ZNF263: variants seen among roughly 807,000 people sequenced by gnomAD.
The protein encoded by ZNF263 is zinc finger protein 263.
In ZNF263, 49 loss-of-function variants were observed where a neutral mutation model predicts 63.1. The ratio of observed to expected loss-of-function variants is 0.78; its 90% CI spans 0.62 to 0.99. ZNF263 has a LOEUF of 0.99. ZNF263 is among the 50% of genes least tolerant of loss of function. The probability of loss-of-function intolerance (pLI) is 0.00; values close to 1 mark genes in which losing one functional copy is unlikely to be tolerated. For synonymous variants in ZNF263, 352 were observed against 324.2 expected, an observed-to-expected ratio of 1.09 and a Z score of -0.92; for missense variants, 872 against 854.8, an observed-to-expected ratio of 1.02 and a Z score of -0.25.
rs952484339 is a variant in ZNF263, at chr16:3,289,634, A to G, written c.1128A>G (p.Lys376=). Residue 376 remains lysine, a synonymous_variant, in exon 6 of 6, where the codon AAA becomes AAG. Coordinates refer to ENST00000219069, the MANE Select transcript of ZNF263 (RefSeq NM_005741.5). ...GACCGAAGGAACTGCAGCCAAAGAA[A>G]CTCCATTTATGTCCCTTGTGTGGCA... ...LGRPKELQPK[K]LHLCPLCGKN... 1.2e-6 allele frequency: 2 copies of G among 1,614,092 alleles called. No individual in the cohort carries two copies. The highest frequency in any genetic ancestry group is 1.7e-6 in the Non-Finnish European group (2 of 1,180,022).
At chr16:3,294,761 CAG>C (rs1204735269), downstream of ZNF263, among the ~76,000 whole-genome samples, 2 of 152,188 alleles carry the variant, frequency 1.3e-5, no homozygotes, top group Admixed American at 1.3e-4. Flanking sequence ...AATTAGCTTA[CAG>C]AGACACCTTA....
chr16:3,289,296 C>G (rs560878336), intron 5 of ZNF263, 97 bp from the exon 6 acceptor site: 22 of 1,327,298 alleles, frequency 1.7e-5, no homozygotes, highest in South Asian at 5.1e-5. Flanking sequence ...AGCAGCCCTT[C>G]TGGGCTGCTG....
Position 3,290,201 on chromosome 16 carries a change from T to G in ZNF263, c.1695T>G (p.His565Gln). The G allele has an allele frequency of 6.2e-7, 1 of 1,614,144 alleles. No individual in the cohort carries two copies. Residue 565 changes from histidine to glutamine, a missense_variant, in exon 6 of 6, where the codon CAT becomes CAG. His to Gln is a conservative substitution (Grantham distance 24, BLOSUM62 0). Coordinates refer to ENST00000219069, the MANE Select transcript of ZNF263 (RefSeq NM_005741.5). ...ACAGCACCCCCTTTCTTACAAACCATGGAGCCCATAAGGCAGAGAAGAAGC... is the reference window on the plus strand; with the variant it reads ...ACAGCACCCCCTTTCTTACAAACCAGGGAGCCCATAAGGCAGAGAAGAAGC... ...VSDSTPFLTN[H>Q]GAHKAEKKLF...
At chr16:3,300,263 C>A in intron 2 of ZNF263, 3 of 1,614,222 alleles carry the variant, frequency 1.9e-6, no homozygotes, top group Non-Finnish European at 2.5e-6. Flanking sequence ...GCTTTGAAAT[C>A]TGTTCGCCCA....
intron 1 of ZNF263, among the ~76,000 whole-genome samples, chr16:3,297,716 G>T (rs1233183979): frequency 6.6e-6 from 1 of 151,266 alleles, no homozygotes; most frequent in Non-Finnish European, 1.5e-5. Flanking sequence ...TGCCCTCCTC[G>T]GCCTCCCAAA....
At chr16:3,295,619 G>C (rs1039688145), downstream of ZNF263, among the ~76,000 whole-genome samples, 1 of 152,368 alleles carries the variant, frequency 6.6e-6, no homozygotes, top group African/African-American at 2.4e-5. Flanking sequence ...TAGGGGCTAG[G>C]CCTTTCTTTA....
chr16:3,285,640 G>A, intron 2 of ZNF263, 41 bp from the exon 3 acceptor site: 2 of 1,599,818 alleles, frequency 1.3e-6, no homozygotes, highest in Non-Finnish European at 1.7e-6. Flanking sequence ...GTTGCCAAGA[G>A]TTAGGAATGC....
intron 2 of ZNF263, chr16:3,299,447 C>T: frequency 6.4e-7 from 1 of 1,559,012 alleles, no homozygotes; most frequent in Non-Finnish European, 8.7e-7. Context: ...ATTTGTTTTA[C>T]TTCTTCCCAA....
In ZNF263 at chr16:3,290,816, G is replaced by A. The variant is rs1959587002; in HGVS notation, c.*258G>A. ...TCTGTTAAGTCCACCCTGCCCCAGG[G>A]TGCTCCTACCCTCTTGGTCTTTTTA... On this transcript the variant is annotated 3_prime_UTR_variant, in exon 6 of 6. Transcript: ENST00000219069. 7.9e-7 allele frequency: 1 copy of A among 1,258,656 alleles called. No homozygotes were observed. The highest frequency in any genetic ancestry group is 1.5e-5 in the African/African-American group (1 of 66,156). The allele number at this position is 1,258,656 out of a possible 1,614,324, so 78.0% of individuals were successfully genotyped here. A position where few individuals can be genotyped will look rare whatever the true frequency, so the allele number is the denominator to read the frequency against.
rs552191851 is a variant in ZNF263, at chr16:3,285,057, A to G, written c.388-2A>G. 1 of 1,614,006 alleles carries G rather than the reference A, an allele frequency of 6.2e-7. No individual in the cohort carries two copies. Among genetic ancestry groups the G allele is most frequent in the Admixed American group, 1.7e-5 (1 of 60,016 alleles). Reference sequence around the variant, plus strand: ...TGATGAGTGATGTGGGTTGGTTCCCAGGTCACAAACCATGGGCGGGGAACA... The same window carrying G: ...TGATGAGTGATGTGGGTTGGTTCCCGGGTCACAAACCATGGGCGGGGAACA... On this transcript the variant is annotated splice_acceptor_variant, in intron 1 of 5. Coordinates refer to ENST00000219069, the MANE Select transcript of ZNF263 (RefSeq NM_005741.5). LOFTEE classifies it high-confidence loss of function.
intron 2 of ZNF263, chr16:3,300,471 AT>A (rs757900839): frequency 2.3e-4 from 363 of 1,613,178 alleles, no homozygotes; most frequent in Non-Finnish European, 3.0e-4. Flanking sequence ...TTAACTTCTT[AT>A]TTTTTTTAAT....
At chr16:3,298,391 TAA>T (rs1158580854) in intron 1 of ZNF263, among the ~76,000 whole-genome samples, 4 of 152,386 alleles carry the variant, frequency 2.6e-5, no homozygotes, top group Middle Eastern at 3.4e-3. Context: ...TAAAATATGT[TAA>T]GACAGTAAGA....
Position 3,285,353 on chromosome 16 carries a change from C to A in ZNF263, c.568+114C>A, listed in dbSNP as rs753738148. ...AGAAGGAATTTCTGAAGATCAGGTT[C>A]TCACCTGTGGAATGAAAGACCTGCA... On this transcript the variant is annotated intron_variant, in intron 2 of 5. Transcript: ENST00000219069. 1.0e-5 allele frequency: 13 copies of A among 1,245,426 alleles called. No individual in the cohort carries two copies. In the African/African-American group the frequency reaches 1.7e-4, roughly 16 times the overall value. The allele number at this position is 1,245,426 out of a possible 1,614,324, so 77.1% of individuals were successfully genotyped here.
exon 2 of ZNF263, chr16:3,299,114 G>A (rs1225997146): frequency 1.4e-6 from 2 of 1,460,022 alleles, no homozygotes; most frequent in East Asian, 2.5e-5. Context: ...AGTGTGAAGT[G>A]GAATCTCTGA....
chr16:3,284,614 A>C (rs1014567173), intron 1 of ZNF263, among the ~76,000 whole-genome samples: 1 of 152,208 alleles, frequency 6.6e-6, no homozygotes, highest in African/African-American at 2.4e-5. Context: ...CTACTAGCTT[A>C]TGAGTGCTTA....
intron 1 of ZNF263, 105 bp downstream of exon 1, chr16:3,284,310 C>G: frequency 7.2e-7 from 1 of 1,397,206 alleles, no homozygotes; most frequent in Non-Finnish European, 9.4e-7. Context: ...GTAGACCTTA[C>G]GTGGGGAAGA....
Position 3,290,845 on chromosome 16 carries a change from C to T in ZNF263, c.*287C>T, listed in dbSNP as rs220380. On this transcript the variant is annotated 3_prime_UTR_variant, in exon 6 of 6. Transcript: ENST00000219069. ...TCCTACCCTCTTGGTCTTTTTAAAG[C>T]CAAGGTGCGATTTGGGCACCTGACT... 266,361 of 1,139,170 alleles carry T rather than the reference C, an allele frequency of 0.23. 32,111 individuals are homozygous for T. Among genetic ancestry groups the T allele is most frequent in the Admixed American group, 0.31 (7,125 of 22,996 alleles). The allele number at this position is 1,139,170 out of a possible 1,614,324, so 70.6% of individuals were successfully genotyped here.
chr16:3,285,636 A>G, intron 2 of ZNF263, 45 bp from the exon 3 acceptor site: 1 of 1,594,502 alleles, frequency 6.3e-7, no homozygotes, highest in Non-Finnish European at 8.6e-7. Flanking sequence ...TTGGGTTGCC[A>G]AGAGTTAGGA....
intron 2 of ZNF263, 118 bp from the exon 3 acceptor site, chr16:3,285,563 T>G: frequency 9.7e-7 from 1 of 1,032,066 alleles, no homozygotes; most frequent in Non-Finnish European, 1.5e-6. Flanking sequence ...TCTGTGCAGT[T>G]TAGCGTCATT....
Sources: gnomAD v4.1 joint callset for allele counts (sites outside exome capture counted in the v4.1 genomes callset) on GRCh38, gnomAD v4.1.1 for gene constraint, MANE v1.5 for transcripts, NCBI Gene and HGNC (gene_info 2026-07-23, HGNC 2026-07-21) for gene names.